Variants in SYK observed in about 807,000 individuals in gnomAD.
SYK encodes tyrosine-protein kinase SYK.
In SYK, 16 loss-of-function variants were observed where a neutral mutation model predicts 77.8. The ratio of observed to expected loss-of-function variants is 0.21; its 90% CI spans 0.14 to 0.31. The LOEUF is 0.31. Among genes scored for constraint, SYK ranks in the 10% least tolerant of loss-of-function variants. The pLI is 1.00. For synonymous variants in SYK, 312 were observed against 308.7 expected, an observed-to-expected ratio of 1.01 and a Z score of -0.11; for missense variants, 529 against 814.4, an observed-to-expected ratio of 0.65 and a Z score of 4.26.
At chr9:90,858,185 C>A (rs1219131703) in intron 3 of SYK, among the ~76,000 whole-genome samples, 1 of 152,198 alleles carries the variant, frequency 6.6e-6, no homozygotes, top group African/African-American at 2.4e-5. Context: ...CATGCCCCAG[C>A]AGAGTCAACA....
At chr9:90,841,269 G>T (rs1048366179) in intron 1 of SYK, among the ~76,000 whole-genome samples, 10 of 149,586 alleles carry the variant, frequency 6.7e-5, no homozygotes, top group Non-Finnish European at 1.3e-4. Context: ...AGTGTGTGTG[G>T]GTGTGTACTG....
chr9:90,841,259 AGT>A (rs967917338), intron 1 of SYK, among the ~76,000 whole-genome samples: 117 of 146,784 alleles, frequency 8.0e-4, no homozygotes, highest in African/African-American at 2.3e-3. Flanking sequence ...GTGTGTTTGC[AGT>A]GTGTGTGGGT....
rs144653812 is a variant in SYK, at chr9:90,875,758, T to G, written c.1181+909T>G. Among the ~76,000 whole-genome samples the G allele has an allele frequency of 1.5e-4, 23 of 152,334 alleles. No homozygotes were observed. The East Asian group carries it at 3.7e-3, about 24-fold the overall frequency. ...TAAATTTCGAAAATATCTTTGTATT[T>G]CTTTTGGTCTTTAGAAGGTACCCAA... On this transcript the variant is annotated intron_variant, in intron 9 of 13. Coordinates refer to ENST00000375754, the MANE Select transcript of SYK (RefSeq NM_003177.7).
chr9:90,810,583 A>G (rs1369799853), intron 1 of SYK, among the ~76,000 whole-genome samples: 1 of 151,642 alleles, frequency 6.6e-6, no homozygotes, highest in Admixed American at 6.6e-5. Flanking sequence ...CATCAAGAGC[A>G]CCAGGGAGCT....
At chr9:90,822,100 G>T (rs571432297) in intron 1 of SYK, among the ~76,000 whole-genome samples, 2 of 152,132 alleles carry the variant, frequency 1.3e-5, no homozygotes, top group Non-Finnish European at 2.9e-5. Context: ...ATTCAGTTTT[G>T]GGGGTGACTT....
rs202093746 is a variant in SYK, at chr9:90,877,607, C to T, written c.1218C>T (p.Asn406=). ...CCGTGGCTGTGAAAATACTGAAAAA[C>T]GAGGCCAATGACCCCGCTCTTAAAG... ...VKTVAVKILK[N]EANDPALKDE... is the part of the protein sequence containing the mutation. Residue 406 remains asparagine (N), a synonymous_variant, in exon 10 of 14, where the codon AAC becomes AAT. Transcript: ENST00000375754. 5.3e-5 allele frequency: 85 copies of T among 1,614,054 alleles called. No homozygotes were observed. The South Asian group carries it at 7.9e-4, about 15-fold the overall frequency.
intron 3 of SYK, among the ~76,000 whole-genome samples, chr9:90,846,051 A>G (rs1026519485): frequency 1.3e-5 from 2 of 152,236 alleles, no homozygotes; most frequent in African/African-American, 4.8e-5. Context: ...AGTAGCATCC[A>G]TGAGTGGTGA....
chr9:90,801,722 G>C (rs993927665), upstream of SYK: 1 of 152,220 alleles, frequency 6.6e-6, no homozygotes, highest in African/African-American at 2.4e-5. Context: ...CCAGGGCGGC[G>C]GGGCGCGACA....
intron 1 of SYK, among the ~76,000 whole-genome samples, chr9:90,838,880 G>A (rs1011560368): frequency 6.6e-6 from 1 of 152,240 alleles, no homozygotes; most frequent in African/African-American, 2.4e-5. Flanking sequence ...GGGAAGGACT[G>A]AGTCTGTGTG....
chr9:90,863,463 C>G (rs1572104), intron 4 of SYK, among the ~76,000 whole-genome samples: 65,791 of 151,874 alleles, frequency 0.43, 14,665 homozygotes, highest in Middle Eastern at 0.55. Context: ...AGCACTTAAA[C>G]TTACTACTTC....
chr9:90,885,452 C>G (rs1828527126), intron 11 of SYK, among the ~76,000 whole-genome samples: 1 of 152,110 alleles, frequency 6.6e-6, no homozygotes, highest in African/African-American at 2.4e-5. Context: ...AACTTGAAGA[C>G]AGGTCTTTTG....
At chr9:90,862,144 C>A (rs1351592133) in intron 3 of SYK, 62 bp from the exon 4 acceptor site, 11 of 1,530,836 alleles carry the variant, frequency 7.2e-6, no homozygotes, top group Non-Finnish European at 9.7e-6. Context: ...GGTGCTTCCT[C>A]CCAGGGTCCC....
intron 1 of SYK, among the ~76,000 whole-genome samples, chr9:90,815,730 C>T (rs1332604866): frequency 1.3e-5 from 2 of 152,244 alleles, no homozygotes; most frequent in Non-Finnish European, 2.9e-5. Flanking sequence ...TGATGCTTTT[C>T]ATGTGACTTC....
intron 7 of SYK, among the ~76,000 whole-genome samples, chr9:90,871,140 A>G (rs1172030433): frequency 6.6e-6 from 1 of 152,260 alleles, no homozygotes; most frequent in Non-Finnish European, 1.5e-5. Context: ...GCAGAGTGAT[A>G]TCCTTACCTG....
At chr9:90,832,098 C>CA (rs1369133597) in intron 1 of SYK, among the ~76,000 whole-genome samples, 1 of 152,126 alleles carries the variant, frequency 6.6e-6, no homozygotes, top group Non-Finnish European at 1.5e-5. Flanking sequence ...GATTGATTGA[C>CA]AAAAAAGTTG....
chr9:90,890,571 A>G (rs1210560342), intron 13 of SYK, among the ~76,000 whole-genome samples: 1 of 152,236 alleles, frequency 6.6e-6, no homozygotes, highest in Non-Finnish European at 1.5e-5. Flanking sequence ...TCCGCTCTGC[A>G]GGGGTGCATT....
In SYK at chr9:90,884,724, T is replaced by C. The variant is rs368223848; in HGVS notation, c.1582-3025T>C. Among the ~76,000 whole-genome samples, 2 of 34,408 alleles carry C rather than the reference T, an allele frequency of 5.8e-5. 1 individual carries two copies. The highest frequency in any genetic ancestry group is 9.4e-5 in the Non-Finnish European group (2 of 21,294). 22.6% of individuals were successfully genotyped at this position (34,408 alleles called of 152,430 possible). On this transcript the variant is annotated intron_variant, in intron 11 of 13. Coordinates refer to ENST00000375754, the MANE Select transcript of SYK (RefSeq NM_003177.7). ...ACATGTACATATACACATATACACATATGTGTACATGTACATATACACATA... is the reference window on the plus strand; with the variant it reads ...ACATGTACATATACACATATACACACATGTGTACATGTACATATACACATA...
At chr9:90,802,671 A>C (rs902810915) in intron 1 of SYK, among the ~76,000 whole-genome samples, 3 of 152,150 alleles carry the variant, frequency 2.0e-5, no homozygotes, top group African/African-American at 7.2e-5. Context: ...GGAATGTTCA[A>C]GGACTAGAAA....
At chr9:90,877,312 G>T (rs1439930118) in intron 9 of SYK, among the ~76,000 whole-genome samples, 2 of 152,092 alleles carry the variant, frequency 1.3e-5, no homozygotes, top group Non-Finnish European at 2.9e-5. Context: ...CAAAGTATGG[G>T]GATTGTCAGC....
Sources: gnomAD v4.1 joint callset for allele counts (sites outside exome capture counted in the v4.1 genomes callset) on GRCh38, gnomAD v4.1.1 for gene constraint, MANE v1.5 for transcripts, NCBI Gene and HGNC (gene_info 2026-07-23, HGNC 2026-07-21) for gene names.